Variants in ARHGEF10L observed in about 807,000 individuals in gnomAD.
ARHGEF10L encodes Rho guanine nucleotide exchange factor 10 like.
A neutral mutation model predicts 141.2 loss-of-function variants in ARHGEF10L; 69 were observed. The observed-to-expected ratio is 0.49, with a 90% CI of 0.40 to 0.60. ARHGEF10L has a LOEUF of 0.60. Among genes scored for constraint, ARHGEF10L ranks in the 20% least tolerant of loss-of-function variants. The probability of loss-of-function intolerance (pLI) is 0.00; values close to 1 mark genes in which losing one functional copy is unlikely to be tolerated. For synonymous variants in ARHGEF10L, 711 were observed against 718.5 expected, an observed-to-expected ratio of 0.99 and a Z score of 0.17; for missense variants, 1,482 against 1,734.3, an observed-to-expected ratio of 0.85 and a Z score of 2.58.
intron 1 of ARHGEF10L, among the ~76,000 whole-genome samples, chr1:17,575,474 C>T (rs945990780): frequency 2.0e-5 from 3 of 152,344 alleles, no homozygotes; most frequent in African/African-American, 2.4e-5. Flanking sequence ...AGGGAACAGA[C>T]AGCTTAAGCA....
chr1:17,606,065 G>A (rs1440239122), intron 6 of ARHGEF10L, among the ~76,000 whole-genome samples: 1 of 152,100 alleles, frequency 6.6e-6, no homozygotes, highest in Non-Finnish European at 1.5e-5. Flanking sequence ...GGGGCCCTGG[G>A]TCTATGGACT....
chr1:17,590,951 C>T (rs1356587346), intron 4 of ARHGEF10L, among the ~76,000 whole-genome samples: 1 of 152,204 alleles, frequency 6.6e-6, no homozygotes, highest in African/African-American at 2.4e-5. Flanking sequence ...TGCGCCATTT[C>T]ACTCCAGCCT....
At chr1:17,582,741 C>G (rs1244942421) in intron 2 of ARHGEF10L, among the ~76,000 whole-genome samples, 1 of 152,198 alleles carries the variant, frequency 6.6e-6, no homozygotes, top group Non-Finnish European at 1.5e-5. Flanking sequence ...CCGTCTCAGT[C>G]TCTGAGGTTT....
intron 1 of ARHGEF10L, among the ~76,000 whole-genome samples, chr1:17,576,926 G>A (rs1412700757): frequency 1.3e-5 from 2 of 152,204 alleles, no homozygotes; most frequent in Non-Finnish European, 2.9e-5. Flanking sequence ...TCCTCCTTTG[G>A]ACTCAGTTTC....
Position 17,612,945 on chromosome 1 carries a change from G to A in ARHGEF10L, c.610-113G>A, listed in dbSNP as rs531783390. On this transcript the variant is annotated intron_variant, in intron 7 of 28. Transcript: ENST00000361221. ...CGCATCCCGCCTGCCCGAGCTGTCCGTCCGCACTTTACCTGAGTCTCCTTT... is the reference window on the plus strand; with the variant it reads ...CGCATCCCGCCTGCCCGAGCTGTCCATCCGCACTTTACCTGAGTCTCCTTT... 264 of 726,784 alleles carry A rather than the reference G, an allele frequency of 3.6e-4. 1 individual carries two copies. In the African/African-American group the frequency reaches 3.8e-3, roughly 10 times the overall value. The allele number at this position is 726,784 out of a possible 1,614,324, so 45.0% of individuals were successfully genotyped here.
chr1:17,563,497 A>T (rs1011233624), intron 1 of ARHGEF10L, among the ~76,000 whole-genome samples: 1 of 152,034 alleles, frequency 6.6e-6, no homozygotes, highest in Non-Finnish European at 1.5e-5. Flanking sequence ...GGCCTCCCAA[A>T]GTGCTGGAGT....
chr1:17,596,624 G>A (rs991397344), intron 4 of ARHGEF10L, among the ~76,000 whole-genome samples: 3 of 152,220 alleles, frequency 2.0e-5, no homozygotes, highest in Admixed American at 1.3e-4. Context: ...TCTCCTCCCC[G>A]ACCACCCACA....
rs917621702 is a variant in ARHGEF10L at position 17,665,163 on chromosome 1, G to A, written c.3009+568G>A. On this transcript the variant is annotated intron_variant, in intron 26 of 28. Transcript: ENST00000361221. ...CACACCTGCAGTCCATCCTGGGCGG[G>A]AGACTCAGCATGGTTCCCCAAGAGG... 2.0e-5 allele frequency among the ~76,000 whole-genome samples: 3 copies of A among 152,230 alleles called. No homozygotes were observed. The South Asian group carries it at 6.2e-4, about 32-fold the overall frequency.
At chr1:17,571,894 G>A (rs1477191084) in intron 1 of ARHGEF10L, among the ~76,000 whole-genome samples, 2 of 152,112 alleles carry the variant, frequency 1.3e-5, no homozygotes, top group Non-Finnish European at 2.9e-5. Flanking sequence ...TGGTGGCCTC[G>A]GCTTCTACCC....
chr1:17,621,784 G>T lies in ARHGEF10L; in HGVS notation c.943-80G>T. On this transcript the variant is annotated intron_variant, in intron 10 of 28. Transcript: ENST00000361221. This position sits in a 1 kb window ranked among gnomAD's most constrained non-coding sequence, Gnocchi z 4.1. ...GAGGGATGGGTTTCTCTGTCCTATA[G>T]TTGTCAGCTCCCCTTCCTGTCACTT... The T allele has an allele frequency of 8.4e-7, 1 of 1,197,128 alleles. No homozygotes were observed. 74.2% of individuals were successfully genotyped at this position (1,197,128 alleles called of 1,614,324 possible). A position where few individuals can be genotyped will look rare whatever the true frequency, so the allele number is the denominator to read the frequency against.
intron 21 of ARHGEF10L, among the ~76,000 whole-genome samples, chr1:17,647,663 A>C (rs1228924772): frequency 1.3e-5 from 2 of 152,140 alleles, no homozygotes; most frequent in African/African-American, 4.8e-5. Flanking sequence ...TTGATATTAG[A>C]GACTTATGGA....
At position 17,550,307 on chromosome 1, in the gene ARHGEF10L, G is replaced by A. The variant is rs532429212; in HGVS notation, c.-44+10357G>A. Among the ~76,000 whole-genome samples, 60 of 152,174 alleles carry A rather than the reference G, an allele frequency of 3.9e-4. 1 individual carries two copies. Among genetic ancestry groups the A allele is most frequent in the Admixed American group, 7.9e-4 (12 of 15,272 alleles). ...AGCATGGCTTTTGGAGAAACCAAGG[G>A]TTAGGTTTGGGGCAGGTTCACATTG... On this transcript the variant is annotated intron_variant, in intron 1 of 28. Transcript: ENST00000361221.
the ARHGEF10L span, among the ~76,000 whole-genome samples, chr1:17,515,133 G>C: frequency 6.6e-6 from 1 of 152,138 alleles, no homozygotes; most frequent in Non-Finnish European, 1.5e-5. Flanking sequence ...TTGTGAACAA[G>C]GGTCCTCAAT....
At chr1:17,570,210 C>T (rs1039770236) in intron 1 of ARHGEF10L, among the ~76,000 whole-genome samples, 7 of 152,214 alleles carry the variant, frequency 4.6e-5, no homozygotes, top group African/African-American at 1.7e-4. Context: ...CACAGTCCTG[C>T]CTTCATGGAG....
At chr1:17,584,502 G>A in intron 2 of ARHGEF10L, among the ~76,000 whole-genome samples, 1 of 152,164 alleles carries the variant, frequency 6.6e-6, no homozygotes, top group Admixed American at 6.5e-5. Flanking sequence ...GCTTATATTC[G>A]AGTAGAGGAG....
At chr1:17,645,916 T>G (rs1457806892) in intron 21 of ARHGEF10L, among the ~76,000 whole-genome samples, 1 of 152,232 alleles carries the variant, frequency 6.6e-6, no homozygotes, top group East Asian at 1.9e-4. Flanking sequence ...GTGTCTGTTA[T>G]GGCAACGCGC....
Position 17,621,743 on chromosome 1 carries a change from C to A in ARHGEF10L, c.943-121C>A. Reference sequence around the variant, plus strand: ...AAGAGTGGCCACCAGGCCCAGTGGTCCCAGGTGGGACCTGGGAGGGATGGG... The same window carrying A: ...AAGAGTGGCCACCAGGCCCAGTGGTACCAGGTGGGACCTGGGAGGGATGGG... On this transcript the variant is annotated intron_variant, in intron 10 of 28. Transcript: ENST00000361221. This position sits in a 1 kb window ranked among gnomAD's most constrained non-coding sequence, Gnocchi z 4.1. 1 of 869,142 alleles carries A rather than the reference C, an allele frequency of 1.2e-6. No homozygotes were observed. The highest frequency in any genetic ancestry group is 1.9e-6 in the Non-Finnish European group (1 of 526,170). 53.8% of individuals were successfully genotyped at this position (869,142 alleles called of 1,614,324 possible). A position where few individuals can be genotyped will look rare whatever the true frequency, so the allele number is the denominator to read the frequency against.
At chr1:17,683,977 G>A (rs2064356001) in intron 26 of ARHGEF10L, among the ~76,000 whole-genome samples, 2 of 152,220 alleles carry the variant, frequency 1.3e-5, no homozygotes, top group African/African-American at 2.4e-5. Flanking sequence ...GGCTGCACGC[G>A]TGTGAGCATG....
chr1:17,656,872 G>A lies in ARHGEF10L; in HGVS notation c.2860+164G>A, dbSNP rs1412468647. ...TGAGCCCCGCTGGGGTTCAATGGGT[G>A]GTCCCCCATATGTGAATACCTGCTG... On this transcript the variant is annotated intron_variant, in intron 25 of 28. Transcript: ENST00000361221. This position sits in a 1 kb window ranked among gnomAD's most constrained non-coding sequence, Gnocchi z 4.9. Among the ~76,000 whole-genome samples, 1 of 152,190 alleles carries A rather than the reference G, an allele frequency of 6.6e-6. No individual in the cohort carries two copies. The highest frequency in any genetic ancestry group is 2.4e-5 in the African/African-American group (1 of 41,444).
Sources: gnomAD v4.1 joint callset for allele counts (sites outside exome capture counted in the v4.1 genomes callset) on GRCh38, gnomAD v4.1.1 for gene constraint, Gnocchi (gnomAD v3.1) non-coding constraint, MANE v1.5 for transcripts, NCBI Gene and HGNC (gene_info 2026-07-23, HGNC 2026-07-21) for gene names.